Variants in ROBO1 observed in about 807,000 individuals in gnomAD.
The protein encoded by ROBO1 is roundabout guidance receptor 1.
ROBO1 carries 149 observed loss-of-function variants against 195.9 expected under a neutral mutation model. That is an observed-to-expected ratio of 0.76 (90% confidence interval 0.67 to 0.87). The LOEUF is 0.87. Ranked by LOEUF, ROBO1 falls within the 40% of genes least tolerant of loss-of-function variation. ROBO1 has a pLI of 0.00. For missense variants in ROBO1, 1,933 were observed against 2,068.3 expected, an observed-to-expected ratio of 0.93 and a Z score of 1.27; for synonymous variants, 816 against 733.2, an observed-to-expected ratio of 1.11 and a Z score of -1.82.
At chr3:78,599,992 C>A in intron 30 of ROBO1, 121 bp downstream of exon 30, 1 of 815,500 alleles carries the variant, frequency 1.2e-6, no homozygotes, top group Non-Finnish European at 2.1e-6. Flanking sequence ...CCATCATAGA[C>A]ATTAGAGTAC....
chr3:79,497,582 C>T (rs6548619), intron 2 of ROBO1, among the ~76,000 whole-genome samples: 111,715 of 152,014 alleles, frequency 0.73, 41,831 homozygotes, highest in African/African-American at 0.89. Flanking sequence ...TAATGCTGAC[C>T]GATGCTAAAT....
intron 2 of ROBO1, among the ~76,000 whole-genome samples, chr3:79,188,586 T>TA (rs1196704162): frequency 6.6e-6 from 1 of 151,632 alleles, no homozygotes; most frequent in Non-Finnish European, 1.5e-5. Context: ...TTTCTGTTTG[T>TA]AAAAAGGGAG....
At chr3:78,607,838 G>GTCA in intron 28 of ROBO1, among the ~76,000 whole-genome samples, 1 of 152,084 alleles carries the variant, frequency 6.6e-6, no homozygotes, top group East Asian at 1.9e-4. Context: ...AAGCTACTGT[G>GTCA]TCATCTCAAA....
At chr3:79,379,531 T>C (rs2036499872) in intron 2 of ROBO1, among the ~76,000 whole-genome samples, 1 of 152,228 alleles carries the variant, frequency 6.6e-6, no homozygotes, top group Non-Finnish European at 1.5e-5. Context: ...CTAAAGATAC[T>C]TCAATTGGAT....
At chr3:79,488,775 AC>A (rs1939292676) in intron 2 of ROBO1, among the ~76,000 whole-genome samples, 3 of 152,080 alleles carry the variant, frequency 2.0e-5, no homozygotes, top group African/African-American at 7.2e-5. Flanking sequence ...AAATACTAAA[AC>A]CTGGCGCCAT....
At chr3:78,650,692 T>A (rs144693972) in intron 19 of ROBO1, among the ~76,000 whole-genome samples, 4 of 152,334 alleles carry the variant, frequency 2.6e-5, no homozygotes, top group African/African-American at 7.2e-5. Context: ...GAGACTTTTT[T>A]AAATTGGAAA....
chr3:78,838,083 A>C lies in ROBO1; in HGVS notation c.500-91183T>G, dbSNP rs143385961. 6.1e-4 allele frequency among the ~76,000 whole-genome samples: 93 copies of C among 152,330 alleles called. No individual in the cohort carries two copies. In the East Asian group the frequency reaches 0.012, roughly 20 times the overall value. On this transcript the variant is annotated intron_variant, in intron 4 of 30. Transcript: ENST00000464233. ...ATAGTACTGAATATTTACACACATA[A>C]GGAAGCTGATCATAAATACAGCTAA...
chr3:78,935,444 T>C (rs2039753053), intron 4 of ROBO1, among the ~76,000 whole-genome samples: 2 of 152,044 alleles, frequency 1.3e-5, no homozygotes, highest in Non-Finnish European at 2.9e-5. Flanking sequence ...AATGTAATTA[T>C]CCAAGATCAA....
At chr3:78,718,782 A>AGAAGGAAGGAAG (rs10558820) in intron 5 of ROBO1, among the ~76,000 whole-genome samples, 1 of 115,132 alleles carries the variant, frequency 8.7e-6, no homozygotes, top group Non-Finnish European at 1.8e-5. Context: ...AGATAAAGGA[A>AGAAGGAAGGAAG]GAAGGAAGGA....
At chr3:79,417,969 A>G (rs1559884522) in intron 2 of ROBO1, among the ~76,000 whole-genome samples, 1 of 152,134 alleles carries the variant, frequency 6.6e-6, no homozygotes, top group Non-Finnish European at 1.5e-5. Flanking sequence ...CACCATCACT[A>G]TCTCACACAA....
chr3:79,313,984 A>G (rs1353990528), intron 2 of ROBO1, among the ~76,000 whole-genome samples: 1 of 152,156 alleles, frequency 6.6e-6, no homozygotes. Context: ...CATTATTTAT[A>G]AAGATGTTAT....
intron 3 of ROBO1, among the ~76,000 whole-genome samples, chr3:79,040,580 G>A (rs914762687): frequency 6.6e-6 from 1 of 151,906 alleles, no homozygotes; most frequent in Non-Finnish European, 1.5e-5. Flanking sequence ...CACTCCATTC[G>A]TTTTGACTAT....
At chr3:78,657,031 CA>C in intron 18 of ROBO1, 66 bp downstream of exon 18, 2 of 1,457,194 alleles carry the variant, frequency 1.4e-6, no homozygotes, top group East Asian at 2.5e-5. Context: ...CAGCCACATG[CA>C]AAAAAGCAAA....
chr3:78,812,878 A>T (rs922125077), intron 4 of ROBO1, among the ~76,000 whole-genome samples: 3 of 152,144 alleles, frequency 2.0e-5, no homozygotes, highest in Non-Finnish European at 4.4e-5. Context: ...ATTTAATCAC[A>T]TAATCACATG....
chr3:79,225,060 T>C lies in ROBO1; in HGVS notation c.89-99521A>G, dbSNP rs189294622. Among the ~76,000 whole-genome samples, 822 of 152,242 alleles carry C rather than the reference T, an allele frequency of 5.4e-3. 7 individuals carry two copies. Among genetic ancestry groups the C allele is most frequent in the Non-Finnish European group, 8.8e-3 (596 of 68,014 alleles). The stretch of plus-strand genomic sequence containing the variant: ...GGTAAAAGAGTGAGCCATGGAGATA[T>C]ATTAGGAAAGAACATTCCAGAGAGA... On this transcript the variant is annotated intron_variant, in intron 2 of 30. Coordinates refer to ENST00000464233, the MANE Select transcript of ROBO1 (RefSeq NM_002941.4).
intron 2 of ROBO1, among the ~76,000 whole-genome samples, chr3:79,143,730 A>G (rs970040174): frequency 5.9e-5 from 9 of 152,062 alleles, no homozygotes; most frequent in Non-Finnish European, 1.0e-4. Context: ...CAGTGGTAAC[A>G]TCTTGCAAAA....
chr3:79,236,161 A>G (rs956429739), intron 2 of ROBO1, among the ~76,000 whole-genome samples: 1 of 152,150 alleles, frequency 6.6e-6, no homozygotes, highest in African/African-American at 2.4e-5. Flanking sequence ...TGACATTTTC[A>G]TACTTAGAAA....
At chr3:78,847,835 G>C (rs1270493602) in intron 4 of ROBO1, among the ~76,000 whole-genome samples, 1 of 152,196 alleles carries the variant, frequency 6.6e-6, no homozygotes, top group Non-Finnish European at 1.5e-5. Flanking sequence ...TTTGCAATGA[G>C]TCAGGCTTTC....
chr3:79,063,057 C>T (rs540395302), intron 3 of ROBO1, among the ~76,000 whole-genome samples: 84 of 152,060 alleles, frequency 5.5e-4, no homozygotes, highest in Non-Finnish European at 9.7e-4. Context: ...GGATAGTAAA[C>T]ATTTTAGTCT....
Sources: gnomAD v4.1 joint callset for allele counts (sites outside exome capture counted in the v4.1 genomes callset) on GRCh38, gnomAD v4.1.1 for gene constraint, MANE v1.5 for transcripts, NCBI Gene and HGNC (gene_info 2026-07-23, HGNC 2026-07-21) for gene names.